Variants in RNF187 observed in about 807,000 individuals in gnomAD.
RNF187 encodes E3 ubiquitin-protein ligase RNF187.
In RNF187, 18 loss-of-function variants were observed where a neutral mutation model predicts 22.2. The ratio of observed to expected loss-of-function variants is 0.81; its 90% CI spans 0.56 to 1.20. The LOEUF is 1.20. RNF187 is among the 50% of genes most tolerant of loss of function. The pLI, the probability that RNF187 is intolerant of heterozygous loss-of-function variation, is 0.00. For missense variants in RNF187, 329 were observed against 317.6 expected (o/e 1.04, Z -0.27); for synonymous variants, 164 against 140.9 (o/e 1.16, Z -1.16).
At position 228,487,687 on chromosome 1, in the gene RNF187, C is replaced by T; in HGVS notation, c.199C>T (p.Pro67Ser). Residue 67 changes from proline (P) to serine (S), a missense_variant, in exon 1 of 4, where the codon CCG (proline) becomes TCG (serine). Pro to Ser is a moderately conservative substitution (Grantham distance 74). Transcript: ENST00000305943. ...GCGCGCCGTGGAGCCCGGCAGGCCC[C>T]CGCTCAGCCGCCGCCTTCTGGCGCT... is the stretch of plus-strand genomic sequence containing the variant. The T allele has an allele frequency of 6.5e-6, 7 of 1,079,544 alleles. No homozygotes were observed. The highest frequency in any genetic ancestry group is 7.9e-6 in the Non-Finnish European group (7 of 891,482). The allele number at this position is 1,079,544 out of a possible 1,614,324, so 66.9% of individuals were successfully genotyped here.
In RNF187 at chr1:228,494,022, C is replaced by A; in HGVS notation, c.*137C>A. ...GGTCCATCTACATAGTTGCGTGTTT[C>A]AACAATGTCCATTTATCCTTCACCC... On this transcript the variant is annotated 3_prime_UTR_variant, in exon 4 of 4. Coordinates refer to ENST00000305943, the MANE Select transcript of RNF187 (RefSeq NM_001010858.3). 6.5e-7 allele frequency: 1 copy of A among 1,545,604 alleles called. No homozygotes were observed. The highest frequency in any genetic ancestry group is 8.7e-7 in the Non-Finnish European group (1 of 1,144,374).
At position 228,494,708 on chromosome 1, in the gene RNF187, C is replaced by T; in HGVS notation, c.*823C>T. 5 of 985,584 alleles carry T rather than the reference C, an allele frequency of 5.1e-6. No homozygotes were observed. The highest frequency in any genetic ancestry group is 6.0e-6 in the Non-Finnish European group (5 of 830,050). The allele number at this position is 985,584 out of a possible 1,614,324, so 61.1% of individuals were successfully genotyped here. ...TAGTTGAATTTTGCAAAGCTTGTAG[C>T]AGTAGCTCAGTTGCCTGCAGCATCC... is the stretch of plus-strand genomic sequence containing the variant. On this transcript the variant is annotated 3_prime_UTR_variant, in exon 4 of 4. Coordinates refer to ENST00000305943, the MANE Select transcript of RNF187 (RefSeq NM_001010858.3).
chr1:228,491,440 CAT>C, intron 2 of RNF187, among the ~76,000 whole-genome samples: 4 of 131,292 alleles, frequency 3.0e-5, no homozygotes, highest in East Asian at 2.4e-4. Context: ...GGAGAAAAAA[CAT>C]AGGATTTTTT....
At position 228,487,882 on chromosome 1, in the gene RNF187, C is replaced by G; in HGVS notation, c.390+4C>G. On this transcript the variant is annotated splice_donor_region_variant and intron_variant, in intron 1 of 3. Coordinates refer to ENST00000305943, the MANE Select transcript of RNF187 (RefSeq NM_001010858.3). ...GAGGAAGGCGCTGCGCGGCAAGGTGCGCGCCGCGGGGTCCCGTGCCCCACC... is the reference window on the plus strand; with the variant it reads ...GAGGAAGGCGCTGCGCGGCAAGGTGGGCGCCGCGGGGTCCCGTGCCCCACC... 2 of 1,215,286 alleles carry G rather than the reference C, an allele frequency of 1.6e-6. No individual in the cohort carries two copies. Among genetic ancestry groups the G allele is most frequent in the South Asian group, 2.7e-5 (1 of 36,540 alleles). The allele number at this position is 1,215,286 out of a possible 1,614,324, so 75.3% of individuals were successfully genotyped here. A position where few individuals can be genotyped will look rare whatever the true frequency, so the allele number is the denominator to read the frequency against.
intron 1 of RNF187, 30 bp from the exon 2 acceptor site, chr1:228,488,930 C>T: frequency 1.3e-6 from 2 of 1,526,918 alleles, no homozygotes; most frequent in South Asian, 2.4e-5. Context: ...GAGCTTCTGC[C>T]CACCCCTGGT....
chr1:228,490,710 A>G, intron 2 of RNF187, among the ~76,000 whole-genome samples: 3 of 152,230 alleles, frequency 2.0e-5, no homozygotes, highest in African/African-American at 7.2e-5. Context: ...GAAGCCATCC[A>G]TGACTGAGTA....
In RNF187 at chr1:228,494,493, C is replaced by A; in HGVS notation, c.*608C>A. On this transcript the variant is annotated 3_prime_UTR_variant, in exon 4 of 4. Transcript: ENST00000305943. ...TGTCCACCTCCCCCTTCCTGGCCCC[C>A]ACCCCACTCCTGTGCCTCCCAGGAG... is the stretch of plus-strand genomic sequence containing the variant. 1 of 986,876 alleles carries A rather than the reference C, an allele frequency of 1.0e-6. No individual in the cohort carries two copies. The highest frequency in any genetic ancestry group is 1.2e-6 in the Non-Finnish European group (1 of 830,838). The allele number at this position is 986,876 out of a possible 1,614,324, so 61.1% of individuals were successfully genotyped here. A position where few individuals can be genotyped will look rare whatever the true frequency, so the allele number is the denominator to read the frequency against.
chr1:228,493,827 CTGTG>C lies in RNF187; in HGVS notation c.706-52_706-49del. On this transcript the variant is annotated intron_variant, in intron 3 of 3. Transcript: ENST00000305943. This position sits in a 1 kb window ranked among gnomAD's most constrained non-coding sequence, Gnocchi z 4.7. ...TCTCCTTTTGCCTCTGTCTCTGACT[CTGTG>C]TGTCTCTTTCTCTTTTTGTCTCTCT... is the stretch of plus-strand genomic sequence containing the variant. 1.3e-6 allele frequency: 2 copies of C among 1,532,670 alleles called. No homozygotes were observed. The highest frequency in any genetic ancestry group is 1.7e-4 in the Middle Eastern group (1 of 5,954). The allele number at this position is 1,532,670 out of a possible 1,614,324, so 94.9% of individuals were successfully genotyped here. A position where few individuals can be genotyped will look rare whatever the true frequency, so the allele number is the denominator to read the frequency against.
At chr1:228,491,828 A>T in intron 2 of RNF187, among the ~76,000 whole-genome samples, 17 of 152,202 alleles carry the variant, frequency 1.1e-4, no homozygotes, top group Middle Eastern at 3.2e-3. Flanking sequence ...AATCACTTAT[A>T]TACTGACTTG....
rs1360654888 is a variant in RNF187, at chr1:228,493,243, A to G, written c.674A>G (p.His225Arg). The change falls in exon 3 of 4, where the codon CAT becomes CGT. Residue 225 changes from histidine (H) to arginine (R), a missense_variant. Transcript: ENST00000305943. This position sits in a 1 kb window ranked among gnomAD's most constrained non-coding sequence, Gnocchi z 4.7. ...GCGGTCTCGGAGCTGGAGAAGAAGC[A>G]TCGCAACCTGGGCCTCAGCATGCTG... is the stretch of plus-strand genomic sequence containing the variant. 1.3e-6 allele frequency: 2 copies of G among 1,550,996 alleles called. No individual in the cohort carries two copies. The highest frequency in any genetic ancestry group is 1.7e-6 in the Non-Finnish European group (2 of 1,146,948).
chr1:228,487,793 G>T lies in RNF187; in HGVS notation c.305G>T (p.Gly102Val). The T allele has an allele frequency of 2.7e-6, 3 of 1,121,698 alleles. No individual in the cohort carries two copies. The highest frequency in any genetic ancestry group is 2.2e-6 in the Non-Finnish European group (2 of 917,368). The allele number at this position is 1,121,698 out of a possible 1,614,324, so 69.5% of individuals were successfully genotyped here. Reference sequence around the variant, plus strand: ...CAGCTGCTGTGCCGCGCCGACGCCGGCCCGCTCTGCGCCGCCTGCCGTATG... The same window carrying T: ...CAGCTGCTGTGCCGCGCCGACGCCGTCCCGCTCTGCGCCGCCTGCCGTATG... The change falls in exon 1 of 4, where the codon GGC (glycine) becomes GTC (valine). Residue 102 changes from glycine (G) to valine (V), a missense_variant. Transcript: ENST00000305943.
At chr1:228,489,700 G>A in intron 2 of RNF187, among the ~76,000 whole-genome samples, 2 of 152,170 alleles carry the variant, frequency 1.3e-5, no homozygotes, top group African/African-American at 2.4e-5. Context: ...GTCTGGTGAG[G>A]GCGTTTCCTG....
In RNF187 at chr1:228,495,663, G is replaced by A; in HGVS notation, c.*1778G>A. ...TGTCTCCACATCACCAGGTCCGACA[G>A]TGGCTTCACCATCCTCACCTAACCT... On this transcript the variant is annotated 3_prime_UTR_variant, in exon 4 of 4. Coordinates refer to ENST00000305943, the MANE Select transcript of RNF187 (RefSeq NM_001010858.3). The A allele has an allele frequency of 1.0e-5, 10 of 985,496 alleles. No homozygotes were observed. Among genetic ancestry groups the A allele is most frequent in the Non-Finnish European group, 1.2e-5 (10 of 829,958 alleles). The allele number at this position is 985,496 out of a possible 1,614,324, so 61.0% of individuals were successfully genotyped here.
At chr1:228,490,621 A>G in intron 2 of RNF187, among the ~76,000 whole-genome samples, 1 of 152,226 alleles carries the variant, frequency 6.6e-6, no homozygotes, top group Non-Finnish European at 1.5e-5. Context: ...CCCAGCTGTC[A>G]TTTGCATTCT....
Position 228,495,150 on chromosome 1 carries a change from C to G in RNF187, c.*1265C>G. The stretch of plus-strand genomic sequence containing the variant: ...GGGCCTGGGGGGAGATGGGGCTCCA[C>G]CCCGACGTAGCAGGGCAGGGGTTGG... On this transcript the variant is annotated 3_prime_UTR_variant, in exon 4 of 4. Coordinates refer to ENST00000305943, the MANE Select transcript of RNF187 (RefSeq NM_001010858.3). 1.8e-6 allele frequency: 1 copy of G among 563,980 alleles called. No homozygotes were observed. The highest frequency in any genetic ancestry group is 2.2e-6 in the Non-Finnish European group (1 of 444,976). 34.9% of individuals were successfully genotyped at this position (563,980 alleles called of 1,614,324 possible). A position where few individuals can be genotyped will look rare whatever the true frequency, so the allele number is the denominator to read the frequency against.
At chr1:228,492,752 G>A in intron 2 of RNF187, among the ~76,000 whole-genome samples, 2 of 147,684 alleles carry the variant, frequency 1.4e-5, no homozygotes, top group South Asian at 2.2e-4. Context: ...TCAGCCTCCC[G>A]ATTAGCTGGG....
chr1:228,492,828 T>A, intron 2 of RNF187, among the ~76,000 whole-genome samples: 1 of 151,750 alleles, frequency 6.6e-6, no homozygotes, highest in African/African-American at 2.4e-5. Context: ...TTTCACCATG[T>A]TGGTCAGGCT....
intron 1 of RNF187, chr1:228,488,087 C>T: frequency 4.9e-6 from 1 of 202,668 alleles, no homozygotes; most frequent in African/African-American, 2.4e-5. Context: ...CTTGCCTCCC[C>T]ATATTTCCTG....
Position 228,493,266 on chromosome 1 carries a change from CT to C in RNF187, c.698del (p.Leu233ArgfsTer95). 1 of 1,549,902 alleles carries C rather than the reference CT, an allele frequency of 6.5e-7. No homozygotes were observed. Among genetic ancestry groups the C allele is most frequent in the East Asian group, 2.4e-5 (1 of 40,906 alleles). On this transcript the variant is annotated frameshift_variant, in exon 3 of 4. Coordinates refer to ENST00000305943, the MANE Select transcript of RNF187 (RefSeq NM_001010858.3). LOFTEE classifies it high-confidence loss of function. The surrounding 1 kb of genome is among the most constrained non-coding windows in gnomAD (Gnocchi z 4.7). ...GCATCGCAACCTGGGCCTCAGCATG[CT>C]GCTGCAGGTGCGGGAGCCCCGCTGG...
Sources: gnomAD v4.1 joint callset for allele counts (sites outside exome capture counted in the v4.1 genomes callset) on GRCh38, gnomAD v4.1.1 for gene constraint, Gnocchi (gnomAD v3.1) non-coding constraint, MANE v1.5 for transcripts, NCBI Gene and HGNC (gene_info 2026-07-23, HGNC 2026-07-21) for gene names.